Variants in CHD2 observed in about 807,000 individuals in gnomAD.
CHD2 encodes ATP-dependent chromatin remodeler CHD2.
Under a neutral mutation model 243.9 loss-of-function variants are expected in CHD2, and 28 were observed. That is an observed-to-expected ratio of 0.11 (90% CI 0.09 to 0.16). The LOEUF is 0.16. Ranked by LOEUF, CHD2 falls within the 10% of genes least tolerant of loss-of-function variation. The probability of loss-of-function intolerance (pLI) is 1.00; values close to 1 mark genes in which losing one functional copy is unlikely to be tolerated. For missense variants in CHD2, 1,386 were observed against 2,209.8 expected, an observed-to-expected ratio of 0.63 and a Z score of 7.47; for synonymous variants, 775 against 779.0, an observed-to-expected ratio of 0.99 and a Z score of 0.09.
rs1272485705 is a variant in CHD2 at position 92,972,805 on chromosome 15, C to T, written c.2505+388C>T. On this transcript the variant is annotated intron_variant, in intron 19 of 38. Coordinates refer to ENST00000394196, the MANE Select transcript of CHD2 (RefSeq NM_001271.4). ...GGCGGAGCTTGCAGTGAGCCGAGAT[C>T]CCGCCACTGCACTCCAGCCTGGGCG... 1.3e-3 allele frequency among the ~76,000 whole-genome samples: 14 copies of T among 10,616 alleles called. 4 individuals are homozygous for T. The highest frequency in any genetic ancestry group is 1.5e-3 in the Non-Finnish European group (3 of 2,026). The allele number at this position is 10,616 out of a possible 152,430, so 7.0% of individuals were successfully genotyped here.
At chr15:92,971,599 T>G (rs1002732322) in intron 17 of CHD2, among the ~76,000 whole-genome samples, 166 bp from the exon 18 acceptor site, 1 of 152,224 alleles carries the variant, frequency 6.6e-6, no homozygotes, top group African/African-American at 2.4e-5. Flanking sequence ...GTGAAAGATG[T>G]ATGATTAGAT....
At chr15:92,914,256 G>A (rs763461426) in intron 2 of CHD2, among the ~76,000 whole-genome samples, 63 of 152,186 alleles carry the variant, frequency 4.1e-4, no homozygotes, top group Non-Finnish European at 4.1e-4. Context: ...AACTCCCCTT[G>A]TAACTGCTTT....
Position 92,957,900 on chromosome 15 carries a change from A to G in CHD2, c.2000+1251A>G, listed in dbSNP as rs181918448. 2.2e-3 allele frequency among the ~76,000 whole-genome samples: 329 copies of G among 152,206 alleles called. 1 individual carries two copies. The highest frequency in any genetic ancestry group is 0.01 in the Middle Eastern group (3 of 294). ...GATTTACCTTTTCTAGAAGTTTTAT[A>G]TAAGTGGAATCCTAATATGTAGGCT... On this transcript the variant is annotated intron_variant, in intron 16 of 38. Transcript: ENST00000394196.
At chr15:92,974,520 G>A (rs2053882471) in intron 19 of CHD2, among the ~76,000 whole-genome samples, 3 of 152,146 alleles carry the variant, frequency 2.0e-5, no homozygotes, top group Non-Finnish European at 2.9e-5. Context: ...TGGGTGACCC[G>A]TGGTCCTATT....
chr15:92,917,370 C>A (rs2052860204), intron 2 of CHD2, among the ~76,000 whole-genome samples: 1 of 152,170 alleles, frequency 6.6e-6, no homozygotes, highest in African/African-American at 2.4e-5. Context: ...ACCAGCCTGG[C>A]CGACATGGTG....
At chr15:93,004,825 A>T (rs2054299838) in intron 34 of CHD2, 74 bp downstream of exon 34, 8 of 1,492,402 alleles carry the variant, frequency 5.4e-6, no homozygotes, top group Non-Finnish European at 7.3e-6. Context: ...TTATAGGTCC[A>T]GCCAGAGCTT....
chr15:92,942,789 T>C, intron 8 of CHD2, 54 bp from the exon 9 acceptor site: 1 of 1,411,860 alleles, frequency 7.1e-7, no homozygotes, highest in Non-Finnish European at 9.5e-7. Flanking sequence ...TTGGGAAGCT[T>C]TTTAATATCT....
chr15:92,960,650 C>G (rs1255774051), intron 16 of CHD2, among the ~76,000 whole-genome samples: 1 of 145,046 alleles, frequency 6.9e-6, no homozygotes, highest in Non-Finnish European at 1.5e-5. Flanking sequence ...ACTTTCTATG[C>G]ATTGCTAGAT....
At chr15:92,930,482 G>T (rs1368685996) in intron 5 of CHD2, among the ~76,000 whole-genome samples, 1 of 152,082 alleles carries the variant, frequency 6.6e-6, no homozygotes, top group Non-Finnish European at 1.5e-5. Flanking sequence ...GCTCAGGCTG[G>T]AGTGCAGTGG....
At chr15:92,923,143 T>C (rs150383489) in intron 2 of CHD2, among the ~76,000 whole-genome samples, 2 of 152,334 alleles carry the variant, frequency 1.3e-5, no homozygotes, top group East Asian at 3.9e-4. Flanking sequence ...GAAGTTAATG[T>C]GTATAAATTT....
intron 17 of CHD2, among the ~76,000 whole-genome samples, chr15:92,969,252 A>T (rs1160070339): frequency 1.3e-5 from 2 of 152,208 alleles, no homozygotes; most frequent in African/African-American, 4.8e-5. Context: ...GTCCTGGCTA[A>T]TATTCTGTTG....
chr15:92,933,031 C>T (rs989901595), intron 5 of CHD2, among the ~76,000 whole-genome samples: 1 of 134,246 alleles, frequency 7.4e-6, no homozygotes, highest in Non-Finnish European at 1.6e-5. Context: ...GATGAGCCAC[C>T]GCGCCCGGCC....
At chr15:93,009,403 GCA>G in intron 35 of CHD2, 80 bp downstream of exon 35, 1 of 1,375,976 alleles carries the variant, frequency 7.3e-7, no homozygotes, top group Non-Finnish European at 9.8e-7. Context: ...ATAAAAGGTG[GCA>G]TAGCCACCTA....
chr15:92,939,790 A>G, intron 7 of CHD2, 72 bp downstream of exon 7: 6 of 1,513,320 alleles, frequency 4.0e-6, no homozygotes, highest in South Asian at 1.2e-5. Flanking sequence ...GGTTCTCATA[A>G]GTCCGGGGTT....
chr15:92,942,395 T>C (rs571648228), intron 8 of CHD2, among the ~76,000 whole-genome samples: 2 of 151,926 alleles, frequency 1.3e-5, no homozygotes, highest in African/African-American at 4.8e-5. Context: ...CTTAATGCTT[T>C]TTCTTTTGGC....
intron 20 of CHD2, 133 bp from the exon 21 acceptor site, chr15:92,978,101 C>G: frequency 4.1e-6 from 4 of 984,658 alleles, no homozygotes; most frequent in Non-Finnish European, 6.3e-6. Flanking sequence ...TTCTTTTAGC[C>G]TCCATAAAGT....
intron 1 of CHD2, 41 bp from the exon 2 acceptor site, chr15:92,901,126 G>C (rs564648601): frequency 1.4e-6 from 1 of 692,882 alleles, no homozygotes; most frequent in African/African-American, 1.8e-5. Context: ...AAAAAGCATC[G>C]ATAGAAGCCG....
At chr15:92,922,765 G>A (rs1416250648) in intron 2 of CHD2, among the ~76,000 whole-genome samples, 1 of 152,182 alleles carries the variant, frequency 6.6e-6, no homozygotes, top group Non-Finnish European at 1.5e-5. Flanking sequence ...TTGCTGTAGA[G>A]TCCATCCGTT....
At chr15:92,967,017 C>A (rs181911657) in intron 16 of CHD2, among the ~76,000 whole-genome samples, 4 of 152,152 alleles carry the variant, frequency 2.6e-5, no homozygotes, top group Middle Eastern at 3.4e-3. Flanking sequence ...TCTGACGTTC[C>A]ATCTTACCAG....
Sources: allele counts gnomAD v4.1 joint callset (sites outside exome capture counted in the v4.1 genomes callset), GRCh38; gene constraint gnomAD v4.1.1; transcripts MANE v1.5; gene names NCBI Gene and HGNC (gene_info 2026-07-23, HGNC 2026-07-21).